USP48: variants seen among roughly 807,000 people sequenced by gnomAD.
USP48 encodes ubiquitin specific peptidase 48.
Under a neutral mutation model 150.7 loss-of-function variants are expected in USP48, and 43 were observed. The observed-to-expected ratio is 0.29, with a 90% confidence interval of 0.22 to 0.37. The LOEUF (loss-of-function observed/expected upper bound fraction) is 0.37. Among genes scored for constraint, USP48 ranks in the 10% least tolerant of loss-of-function variants. USP48 has a pLI of 1.00. For missense variants in USP48, 813 were observed against 1,249.6 expected (o/e 0.65, Z 5.27); for synonymous variants, 396 against 425.9 (o/e 0.93, Z 0.86).
At chr1:21,766,392 G>A (rs2097862334) in intron 1 of USP48, among the ~76,000 whole-genome samples, 1 of 152,060 alleles carries the variant, frequency 6.6e-6, no homozygotes, top group South Asian at 2.1e-4. Flanking sequence ...GTCAAAAATT[G>A]TGTTCAGGGA....
intron 1 of USP48, among the ~76,000 whole-genome samples, chr1:21,779,805 G>T (rs2097910043): frequency 6.6e-6 from 1 of 152,126 alleles, no homozygotes; most frequent in African/African-American, 2.4e-5. Context: ...GAGGCAACGA[G>T]CACATGAAAA....
intron 14 of USP48, 121 bp downstream of exon 14, chr1:21,720,915 T>C (rs1289003988): frequency 5.4e-6 from 7 of 1,302,402 alleles, no homozygotes; most frequent in African/African-American, 1.5e-5. Flanking sequence ...TGGGCTCAAG[T>C]GATCTGCCCG....
chr1:21,781,406 T>C (rs2097914191), intron 1 of USP48, among the ~76,000 whole-genome samples: 1 of 152,008 alleles, frequency 6.6e-6, no homozygotes, highest in South Asian at 2.1e-4. Flanking sequence ...GCCATTGCAC[T>C]CTAGCCTGGG....
chr1:21,681,063 A>G (rs370835478), intron 25 of USP48: 71 of 404,896 alleles, frequency 1.8e-4, no homozygotes, highest in African/African-American at 1.4e-3. Context: ...TACTGACAGG[A>G]CAAGGTTTGT....
At chr1:21,737,391 G>A (rs910231381) in intron 8 of USP48, among the ~76,000 whole-genome samples, 14 of 152,108 alleles carry the variant, frequency 9.2e-5, no homozygotes, top group Admixed American at 3.9e-4. Flanking sequence ...AGATTTCTTC[G>A]TATTTTAAGT....
At position 21,753,204 on chromosome 1, in the gene USP48, C is replaced by G. The variant is rs188723621; in HGVS notation, c.413-85G>C. 2.2e-4 allele frequency: 287 copies of G among 1,333,038 alleles called. No individual in the cohort carries two copies. In the African/African-American group the frequency reaches 3.9e-3, roughly 18 times the overall value. 82.6% of individuals were successfully genotyped at this position (1,333,038 alleles called of 1,614,324 possible). ...ATGGTACTTCCTCTTCACATGAGAACATAAACATCTCTACATCCAAACTAG... is the reference window on the plus strand; with the variant it reads ...ATGGTACTTCCTCTTCACATGAGAAGATAAACATCTCTACATCCAAACTAG... On this transcript the variant is annotated intron_variant, in intron 3 of 26. Coordinates refer to ENST00000308271, the MANE Select transcript of USP48 (RefSeq NM_032236.8).
chr1:21,767,348 G>A (rs544139561), intron 1 of USP48, among the ~76,000 whole-genome samples: 49 of 152,130 alleles, frequency 3.2e-4, no homozygotes, highest in Non-Finnish European at 4.7e-4. Flanking sequence ...ACGGTGTCTC[G>A]CTCTGTTGCC....
chr1:21,745,458 A>G (rs2097792332), intron 8 of USP48, among the ~76,000 whole-genome samples: 1 of 152,074 alleles, frequency 6.6e-6, no homozygotes, highest in Non-Finnish European at 1.5e-5. Flanking sequence ...CTGGTGGAAT[A>G]TGCCTGTAGT....
At chr1:21,771,589 CAG>C (rs1165330617) in intron 1 of USP48, among the ~76,000 whole-genome samples, 2 of 151,778 alleles carry the variant, frequency 1.3e-5, no homozygotes, top group African/African-American at 2.4e-5. Context: ...GGTATCACTA[CAG>C]AGTTATTCAA....
chr1:21,699,938 A>G (rs1258471635), intron 22 of USP48, among the ~76,000 whole-genome samples: 1 of 151,130 alleles, frequency 6.6e-6, no homozygotes, highest in African/African-American at 2.4e-5. Context: ...AGATGGGGAC[A>G]TGAAAACAGA....
intron 9 of USP48, among the ~76,000 whole-genome samples, chr1:21,733,091 G>T (rs2097760782): frequency 6.6e-6 from 1 of 152,122 alleles, no homozygotes; most frequent in South Asian, 2.1e-4. Context: ...ACATGCACAG[G>T]TAAGAGGAGG....
chr1:21,695,205 T>G lies in USP48; in HGVS notation c.2744A>C (p.Lys915Thr). Reference protein sequence around the residue: ...PDFNQSNGGTKRQKISHQNYI... With the variant: ...PDFNQSNGGTTRQKISHQNYI... ...ATTTTGATGGGATATCTTTTGCCGCTTTGTTCCACCATTGCTCTATAATGA... is the reference window on the plus strand; with the variant it reads ...ATTTTGATGGGATATCTTTTGCCGCGTTGTTCCACCATTGCTCTATAATGA... Residue 915 changes from lysine to threonine, a missense_variant, in exon 23 of 27, where the codon AAG becomes ACG. Lys to Thr is a moderately conservative substitution (Grantham distance 78). Coordinates refer to ENST00000308271, the MANE Select transcript of USP48 (RefSeq NM_032236.8). The G allele has an allele frequency of 6.2e-7, 1 of 1,611,718 alleles. No homozygotes were observed. Among genetic ancestry groups the G allele is most frequent in the Non-Finnish European group, 8.5e-7 (1 of 1,179,294 alleles).
At chr1:21,721,591 G>T in intron 13 of USP48, 59 bp downstream of exon 13, 1 of 1,068,336 alleles carries the variant, frequency 9.4e-7, no homozygotes, top group Non-Finnish European at 1.3e-6. Context: ...GAGATGCTTG[G>T]TTATGACCTC....
intron 26 of USP48, 98 bp from the exon 27 acceptor site, chr1:21,679,537 A>G (rs2097559683): frequency 6.9e-7 from 1 of 1,448,740 alleles, no homozygotes; most frequent in Non-Finnish European, 9.7e-7. Context: ...AGGGAGCATC[A>G]AATTTAATAA....
chr1:21,715,091 T>C (rs981778291), intron 15 of USP48: 4 of 272,484 alleles, frequency 1.5e-5, no homozygotes, highest in East Asian at 1.0e-4. Context: ...AAACCATAGA[T>C]AGCCCTAACA....
chr1:21,736,310 T>C (rs2097768886), intron 9 of USP48, 136 bp downstream of exon 9: 1 of 898,442 alleles, frequency 1.1e-6, no homozygotes, highest in African/African-American at 1.7e-5. Flanking sequence ...TTCAGTGATT[T>C]TACATGTGTT....
At chr1:21,740,910 G>A (rs555305369) in intron 8 of USP48, among the ~76,000 whole-genome samples, 7 of 152,326 alleles carry the variant, frequency 4.6e-5, no homozygotes, top group African/African-American at 1.7e-4. Context: ...AGATCAGGTT[G>A]ACCTGAACAG....
intron 8 of USP48, among the ~76,000 whole-genome samples, chr1:21,745,507 G>A (rs775452918): frequency 5.3e-5 from 8 of 152,140 alleles, no homozygotes; most frequent in East Asian, 1.9e-4. Flanking sequence ...GTGATGAGCC[G>A]TGATCACATC....
chr1:21,694,572 CAAAAAAAAAA>C (rs1204062748), intron 23 of USP48, among the ~76,000 whole-genome samples: 1 of 12,022 alleles, frequency 8.3e-5, no homozygotes, highest in African/African-American at 4.6e-4. Flanking sequence ...TCTGTCTCAC[CAAAAAAAAAA>C]AAAAAAAAAA....
Sources: allele counts gnomAD v4.1 joint callset (sites outside exome capture counted in the v4.1 genomes callset), GRCh38; gene constraint gnomAD v4.1.1; transcripts MANE v1.5; gene names NCBI Gene and HGNC (gene_info 2026-07-23, HGNC 2026-07-21).